The following MZT2A variants were observed in gnomAD, a reference collection of about 807,000 sequenced individuals.
The protein encoded by MZT2A is mitotic spindle organizing protein 2A, also known as mitotic-spindle organizing protein 2A.
Under a neutral mutation model 12.4 loss-of-function variants are expected in MZT2A, and 8 were observed. The ratio of observed to expected loss-of-function variants is 0.64; its 90% CI spans 0.38 to 1.16. The LOEUF (loss-of-function observed/expected upper bound fraction) is 1.16. Ranked by LOEUF, MZT2A falls within the 50% of genes most tolerant of loss-of-function variation. MZT2A has a pLI of 0.01. For missense variants in MZT2A, 181 were observed against 223.6 expected (o/e 0.81, Z 1.22); for synonymous variants, 88 against 107.5 (o/e 0.82, Z 1.12).
At chr2:131,477,694 G>A (rs1352049523) in intron 2 of MZT2A, among the ~76,000 whole-genome samples, 1 of 151,230 alleles carries the variant, frequency 6.6e-6, no homozygotes, top group Non-Finnish European at 1.5e-5. Context: ...GGTGAATGAT[G>A]GACGGGGTAG....
downstream of MZT2A, chr2:131,479,205 C>T: frequency 2.0e-6 from 3 of 1,511,746 alleles, no homozygotes; most frequent in Admixed American, 2.1e-5. Context: ...AGGTCATGTA[C>T]TTTGAACAGC....
upstream of MZT2A, chr2:131,492,948 C>T: frequency 6.6e-7 from 1 of 1,525,576 alleles, no homozygotes. Context: ...CGCCATTTCC[C>T]CTCCCTGGCC....
chr2:131,492,389 C>G lies in MZT2A; in HGVS notation c.-13G>C. The G allele has an allele frequency of 7.8e-7, 1 of 1,288,934 alleles. No homozygotes were observed. 79.8% of individuals were successfully genotyped at this position (1,288,934 alleles called of 1,614,324 possible). ...CCTGCGCCGCCATCCGCGAGGCCCG[C>G]CGAAAGGTGCGCCCCGCCCCGCCGC... is the stretch of plus-strand genomic sequence containing the variant. On this transcript the variant is annotated 5_prime_UTR_variant, in exon 1 of 3. Transcript: ENST00000309451.
downstream of MZT2A, among the ~76,000 whole-genome samples, chr2:131,481,223 CTCTG>C (rs1264830979): frequency 1.3e-5 from 2 of 151,720 alleles, no homozygotes; most frequent in Non-Finnish European, 2.9e-5. Flanking sequence ...CTTTTGAACT[CTCTG>C]TCTGAGTCAT....
In MZT2A at chr2:131,490,607, G is replaced by A. The variant is rs1679252902; in HGVS notation, c.319+1269C>T. On this transcript the variant is annotated intron_variant, in intron 2 of 2. Coordinates refer to ENST00000309451, the MANE Select transcript of MZT2A (RefSeq NM_001085365.2). Reference sequence around the variant, plus strand: ...GCGGCAGGGCAGCGGTGGCCTGCATGATCCTGCCCTTGCAGCTCAAAGCTG... The same window carrying A: ...GCGGCAGGGCAGCGGTGGCCTGCATAATCCTGCCCTTGCAGCTCAAAGCTG... 1.9e-6 allele frequency: 3 copies of A among 1,546,592 alleles called. No homozygotes were observed. The Admixed American group carries it at 5.9e-5, about 31-fold the overall frequency.
chr2:131,479,595 T>C, downstream of MZT2A: 2 of 1,488,526 alleles, frequency 1.3e-6, no homozygotes, highest in Non-Finnish European at 1.8e-6. Flanking sequence ...ATCCCAGCAC[T>C]TTGGGAGGCT....
chr2:131,477,767 C>A (rs1294269651), intron 2 of MZT2A, among the ~76,000 whole-genome samples: 2 of 151,762 alleles, frequency 1.3e-5, no homozygotes, highest in Admixed American at 6.5e-5. Flanking sequence ...TGACCTGGGA[C>A]CTACTCTGTA....
At chr2:131,486,963 C>G (rs1017084924) in intron 2 of MZT2A, among the ~76,000 whole-genome samples, 14 of 152,068 alleles carry the variant, frequency 9.2e-5, no homozygotes, top group Non-Finnish European at 4.4e-5. Flanking sequence ...GATGAGAAGG[C>G]CCAGAATAGA....
intron 2 of MZT2A, among the ~76,000 whole-genome samples, chr2:131,475,626 C>G (rs566386344): frequency 6.6e-6 from 1 of 152,172 alleles, no homozygotes; most frequent in Admixed American, 6.5e-5. Flanking sequence ...CCATCGCGCC[C>G]GGCCCGTTTT....
chr2:131,482,617 C>T (rs139782017), downstream of MZT2A: 1,696 of 1,613,762 alleles, frequency 1.1e-3, 17 homozygotes, highest in African/African-American at 0.019. Context: ...TGCAGCGGGC[C>T]GTGTGCATGC....
chr2:131,476,568 T>C (rs1212309723), intron 2 of MZT2A, among the ~76,000 whole-genome samples: 2 of 152,160 alleles, frequency 1.3e-5, no homozygotes, highest in Non-Finnish European at 2.9e-5. Context: ...TGACGGGGGT[T>C]GGGGCTGTGG....
rs376116396 is a variant in MZT2A, at chr2:131,484,145, G to C, written c.393C>G (p.Ser131Arg). 17 of 1,613,970 alleles carry C rather than the reference G, an allele frequency of 1.1e-5. No individual in the cohort carries two copies. The highest frequency in any genetic ancestry group is 1.4e-5 in the Non-Finnish European group (17 of 1,180,002). The change falls in exon 3 of 3, where the codon AGC becomes AGG. Residue 131 changes from serine (S) to arginine (R), a missense_variant. By Grantham distance (110) the Ser-to-Arg change is moderately radical. This residue lies in a region of MZT2A where 72 missense variants were observed against 76.9 expected (regional missense o/e 0.94). Coordinates refer to ENST00000309451, the MANE Select transcript of MZT2A (RefSeq NM_001085365.2). ...LAERSNHEGS[S>R]QRMPRQPSAT... ...CGCTGGGCTGGCGTGGCATCCTCTG[G>C]CTGGATCCCTCGTGGTTGCTGCGTT...
chr2:131,490,509 C>G, intron 2 of MZT2A: 1 of 1,432,620 alleles, frequency 7.0e-7, no homozygotes, highest in Non-Finnish European at 9.1e-7. Context: ...GGATGCCAGC[C>G]CGACTGTGGG....
chr2:131,487,269 C>A (rs1314496867), intron 2 of MZT2A, among the ~76,000 whole-genome samples: 1 of 152,120 alleles, frequency 6.6e-6, no homozygotes, highest in African/African-American at 2.4e-5. Flanking sequence ...CCTTTGAGGC[C>A]AGGAGCTAGA....
At chr2:131,480,767 GGA>G (rs1376504865), downstream of MZT2A, 3 of 1,601,794 alleles carry the variant, frequency 1.9e-6, no homozygotes, top group Non-Finnish European at 2.6e-6. Flanking sequence ...TGGGTGATGT[GGA>G]GGCCTTTCAG....
chr2:131,483,975 G>A lies in MZT2A; in HGVS notation c.*86C>T, dbSNP rs563637156. 6.6e-5 allele frequency: 99 copies of A among 1,505,400 alleles called. No homozygotes were observed. In the East Asian group the frequency reaches 2.0e-3, roughly 31 times the overall value. The allele number at this position is 1,505,400 out of a possible 1,614,324, so 93.3% of individuals were successfully genotyped here. ...AGAGAGCATCTGACCTGGACCCTCT[G>A]CATCTCAGAAAGGTTTATTATCAAC... On this transcript the variant is annotated 3_prime_UTR_variant, in exon 3 of 3. Coordinates refer to ENST00000309451, the MANE Select transcript of MZT2A (RefSeq NM_001085365.2).
At chr2:131,489,129 C>A (rs1449113212) in intron 2 of MZT2A, among the ~76,000 whole-genome samples, 1 of 152,248 alleles carries the variant, frequency 6.6e-6, no homozygotes, top group African/African-American at 2.4e-5. Context: ...CCCTGTGTAA[C>A]CCTTGCTGCT....
At chr2:131,490,452 TCAC>T (rs915091304) in intron 2 of MZT2A, 46 of 1,347,716 alleles carry the variant, frequency 3.4e-5, no homozygotes, top group Middle Eastern at 2.8e-4. Context: ...CTCTTTACAC[TCAC>T]CACTAGTTCG....
At chr2:131,477,707 C>CT (rs1678720184) in intron 2 of MZT2A, among the ~76,000 whole-genome samples, 1 of 151,148 alleles carries the variant, frequency 6.6e-6, no homozygotes, top group Admixed American at 6.6e-5. Flanking sequence ...CGGGGTAGAA[C>CT]TGGGGGGTAG....
Sources: allele counts gnomAD v4.1 joint callset (sites outside exome capture counted in the v4.1 genomes callset), GRCh38; gene constraint gnomAD v4.1.1; regional missense constraint gnomAD v4.1.1; transcripts MANE v1.5; gene names NCBI Gene and HGNC (gene_info 2026-07-23, HGNC 2026-07-21).